VWF: variants seen among roughly 807,000 people sequenced by gnomAD.
VWF encodes the protein Factor VIII related antigen.
Under a neutral mutation model 308.6 loss-of-function variants are expected in VWF, and 176 were observed. The ratio of observed to expected loss-of-function variants is 0.57; its 90% CI spans 0.50 to 0.65. VWF has a LOEUF of 0.65. VWF is among the 30% of genes least tolerant of loss of function. VWF has a pLI of 0.00. For missense variants in VWF, 3,146 were observed against 3,648.2 expected, an observed-to-expected ratio of 0.86 and a Z score of 3.55; for synonymous variants, 1,385 against 1,443.4, an observed-to-expected ratio of 0.96 and a Z score of 0.92.
chr12:6,016,578 T>C lies in VWF; in HGVS notation c.5249A>G (p.Glu1750Gly), dbSNP rs766882631. The C allele has an allele frequency of 2.5e-6, 4 of 1,614,050 alleles. No individual in the cohort carries two copies. The South Asian group carries it at 4.4e-5, about 18-fold the overall frequency. The stretch of plus-strand genomic sequence containing the variant: ...CACAAGGCTCAGCAAATGGGCTTTC[T>C]CCGGGACCACGTTCCATGGCACGTC... ...TIDVPWNVVP[E>G]KAHLLSLVDV... The change falls in exon 30 of 52, where the codon GAG becomes GGG. Residue 1750 changes from glutamate to glycine, a missense_variant. By Grantham distance (98) the Glu-to-Gly change is moderately conservative. Around this residue, in one of 3 missense-constraint regions of VWF, gnomAD observed 853 missense variants for 1,177.8 expected, o/e 0.72. Transcript: ENST00000261405.
intron 38 of VWF, among the ~76,000 whole-genome samples, chr12:5,990,165 G>A (rs916638667): frequency 2.0e-5 from 3 of 152,194 alleles, no homozygotes; most frequent in African/African-American, 7.2e-5. Context: ...ATCACTATAA[G>A]TGACTATAAG....
chr12:6,123,155 G>A lies in VWF; in HGVS notation c.42C>T (p.Ala14=). ...ARFAGVLLAL[A]LILPGTLCAE... ...TTTTGTACCTACCTGGCAAAATGAG[G>A]GCCAGAGCAAGCAGCACCCCGGCAA... The change falls in exon 2 of 52, where the codon GCC becomes GCT. Residue 14 remains alanine (A), a synonymous_variant. Coordinates refer to ENST00000261405, the MANE Select transcript of VWF (RefSeq NM_000552.5). The A allele has an allele frequency of 6.2e-7, 1 of 1,614,162 alleles. No homozygotes were observed. The highest frequency in any genetic ancestry group is 8.5e-7 in the Non-Finnish European group (1 of 1,180,028).
rs754421736 is a variant in VWF, at chr12:6,025,640, C to G, written c.3162G>C (p.Thr1054=). The change falls in exon 24 of 52, where the codon ACG becomes ACC. Residue 1054 remains threonine (T), a synonymous_variant. Transcript: ENST00000261405. ...ATCHNNIMKQ[T]MVDSSCRILT... ...GGATTCTACAGGAGGAATCCACCATCGTCTGCTTCATGATGTTGTTATGGC... is the reference window on the plus strand; with the variant it reads ...GGATTCTACAGGAGGAATCCACCATGGTCTGCTTCATGATGTTGTTATGGC... The G allele has an allele frequency of 6.3e-7, 1 of 1,578,612 alleles. No individual in the cohort carries two copies. The highest frequency in any genetic ancestry group is 1.1e-5 in the South Asian group (1 of 89,624).
chr12:5,960,196 T>G (rs1384861905), intron 47 of VWF, among the ~76,000 whole-genome samples: 1 of 151,422 alleles, frequency 6.6e-6, no homozygotes, highest in Non-Finnish European at 1.5e-5. Context: ...CAACTACAGA[T>G]TCCACAGATA....
Position 6,123,134 on chromosome 12 carries a change from G to T in VWF, c.55+8C>A, listed in dbSNP as rs114713980. 1,743 of 1,614,150 alleles carry T rather than the reference G, an allele frequency of 1.1e-3. 13 individuals carry two copies. The African/African-American group carries it at 0.017, about 16-fold the overall frequency. On this transcript the variant is annotated splice_region_variant and intron_variant, in intron 2 of 51. Transcript: ENST00000261405. Reference sequence around the variant, plus strand: ...AGGAATGAGAAATGGAGGCCCTTTTGTACCTACCTGGCAAAATGAGGGCCA... The same window carrying T: ...AGGAATGAGAAATGGAGGCCCTTTTTTACCTACCTGGCAAAATGAGGGCCA...
At chr12:5,956,914 T>C (rs1049044583) in intron 47 of VWF, among the ~76,000 whole-genome samples, 5 of 152,234 alleles carry the variant, frequency 3.3e-5, no homozygotes, top group African/African-American at 1.2e-4. Context: ...TTATAGACTA[T>C]AGCAATGTCC....
In VWF at chr12:6,111,321, C is replaced by A. The variant is rs528983360; in HGVS notation, c.221-353G>T. Among the ~76,000 whole-genome samples, 494 of 152,276 alleles carry A rather than the reference C, an allele frequency of 3.2e-3. 3 individuals are homozygous for A. The highest frequency in any genetic ancestry group is 5.6e-3 in the Non-Finnish European group (382 of 68,022). On this transcript the variant is annotated intron_variant, in intron 3 of 51. Transcript: ENST00000261405. ...TATTGTAAGGCAGCAAACAAAAAGG[C>A]AACACTGTGAGTTACTGGTAACAGG...
At position 6,121,287 on chromosome 12, in the gene VWF, C is replaced by T. The variant is rs374601266; in HGVS notation, c.107G>A (p.Ser36Asn). ...GTTGACGAAGTCACTTCCGAAAAGG[C>T]TGCATCGGGCCGTGGATGACCTGCC... is the stretch of plus-strand genomic sequence containing the variant. The part of the protein sequence containing the change: ...TRGRSSTARC[S>N]LFGSDFVNTF... Residue 36 changes from serine (S) to asparagine (N), a missense_variant, in exon 3 of 52, where the codon AGC becomes AAC. Ser to Asn is a conservative substitution (Grantham distance 46). Around this residue, in one of 3 missense-constraint regions of VWF, gnomAD observed 1,304 missense variants for 1,353.0 expected, o/e 0.96. Transcript: ENST00000261405. 2 of 1,614,112 alleles carry T rather than the reference C, an allele frequency of 1.2e-6. No homozygotes were observed. Among genetic ancestry groups the T allele is most frequent in the African/African-American group, 2.7e-5 (2 of 74,946 alleles).
intron 47 of VWF, among the ~76,000 whole-genome samples, chr12:5,956,215 C>T (rs1468653385): frequency 6.6e-6 from 1 of 152,102 alleles, no homozygotes; most frequent in Non-Finnish European, 1.5e-5. Context: ...CAATTATGTA[C>T]TTGATGATAA....
At chr12:6,095,834 C>T (rs1945100165) in intron 5 of VWF, 5 of 468,980 alleles carry the variant, frequency 1.1e-5, no homozygotes, top group South Asian at 8.0e-5. Flanking sequence ...TCAGGCAACC[C>T]AGTTGTCCCC....
chr12:6,075,682 T>G lies in VWF; in HGVS notation c.658-131A>C. ...CTGGGACAGGCTGGCACCAAGCACATGCATGTGTTCAATGCACCAGCCCAT... is the reference window on the plus strand; with the variant it reads ...CTGGGACAGGCTGGCACCAAGCACAGGCATGTGTTCAATGCACCAGCCCAT... On this transcript the variant is annotated intron_variant, in intron 6 of 51. Transcript: ENST00000261405. The surrounding 1 kb of genome is among the most constrained non-coding windows in gnomAD (Gnocchi z 4.7). The G allele has an allele frequency of 1.0e-6, 1 of 958,052 alleles. No homozygotes were observed. Among genetic ancestry groups the G allele is most frequent in the Non-Finnish European group, 1.6e-6 (1 of 612,492 alleles). 59.3% of individuals were successfully genotyped at this position (958,052 alleles called of 1,614,324 possible).
At position 6,098,244 on chromosome 12, in the gene VWF, C is replaced by T. The variant is rs1945125925; in HGVS notation, c.533-2660G>A. Among the ~76,000 whole-genome samples, 3 of 152,168 alleles carry T rather than the reference C, an allele frequency of 2.0e-5. No homozygotes were observed. The South Asian group carries it at 6.2e-4, about 32-fold the overall frequency. ...AACCAAAGACAACTAAACCCCCAGT[C>T]CTTTGAGGATGGTTTCTGAAATATT... is the stretch of plus-strand genomic sequence containing the variant. On this transcript the variant is annotated intron_variant, in intron 5 of 51. Coordinates refer to ENST00000261405, the MANE Select transcript of VWF (RefSeq NM_000552.5).
chr12:6,069,688 G>C (rs538965932), intron 10 of VWF, among the ~76,000 whole-genome samples: 10 of 152,356 alleles, frequency 6.6e-5, no homozygotes, highest in African/African-American at 2.4e-4. Flanking sequence ...TGAGAATGCA[G>C]AGAAGAGCGT....
chr12:6,075,299 C>A lies in VWF; in HGVS notation c.874+36G>T. 2 of 1,613,182 alleles carry A rather than the reference C, an allele frequency of 1.2e-6. No homozygotes were observed. The highest frequency in any genetic ancestry group is 1.7e-6 in the Non-Finnish European group (2 of 1,179,674). ...CACCACCCAGGACAGACCGTTCATC[C>A]CCGGCAGGGCAGGACGGGGCAGGGG... On this transcript the variant is annotated intron_variant, in intron 7 of 51. Coordinates refer to ENST00000261405, the MANE Select transcript of VWF (RefSeq NM_000552.5). This position sits in a 1 kb window ranked among gnomAD's most constrained non-coding sequence, Gnocchi z 4.7.
intron 39 of VWF, among the ~76,000 whole-genome samples, chr12:5,985,345 G>A (rs1008347806): frequency 1.3e-5 from 2 of 152,220 alleles, no homozygotes; most frequent in Non-Finnish European, 2.9e-5. Context: ...CTGGGGACCA[G>A]AGGCGAGGGT....
At chr12:6,057,311 A>ATTTTTTTTTTTTTTTTT (rs1250165048) in intron 14 of VWF, among the ~76,000 whole-genome samples, 77 of 129,374 alleles carry the variant, frequency 6.0e-4, no homozygotes, top group Non-Finnish European at 7.9e-4. Flanking sequence ...GGACTATGGA[A>ATTTTTTTTTTTTTTTTT]TTTTTTTTTT....
At chr12:5,990,905 AAAATT>A (rs1943734195) in intron 38 of VWF, among the ~76,000 whole-genome samples, 1 of 39,872 alleles carries the variant, frequency 2.5e-5, no homozygotes, top group African/African-American at 8.3e-5. Flanking sequence ...AAAAAAAAAA[AAAATT>A]TTGATGACTC....
At chr12:6,092,992 T>G (rs539272991) in intron 6 of VWF, among the ~76,000 whole-genome samples, 1 of 152,104 alleles carries the variant, frequency 6.6e-6, no homozygotes, top group East Asian at 1.9e-4. Flanking sequence ...TCCCTTGAAG[T>G]GCCTGCTTTC....
rs1023577551 is a variant in VWF at position 6,073,802 on chromosome 12, A to G, written c.875-61T>C. The G allele has an allele frequency of 3.1e-6, 5 of 1,610,356 alleles. No individual in the cohort carries two copies. The African/African-American group carries it at 6.7e-5, about 22-fold the overall frequency. On this transcript the variant is annotated intron_variant, in intron 7 of 51. Coordinates refer to ENST00000261405, the MANE Select transcript of VWF (RefSeq NM_000552.5). ...GGTCCCACCGGTGCATCATCTCACC[A>G]GCCATGCCACAGCCTGAGCCTCTCG...
Sources: gnomAD v4.1 joint callset for allele counts (sites outside exome capture counted in the v4.1 genomes callset) on GRCh38, gnomAD v4.1.1 for gene constraint, gnomAD v4.1.1 regional missense constraint, Gnocchi (gnomAD v3.1) non-coding constraint, MANE v1.5 for transcripts, NCBI Gene and HGNC (gene_info 2026-07-23, HGNC 2026-07-21) for gene names.